Variants in DYNLT5 observed in about 807,000 individuals in gnomAD.
DYNLT5 encodes the protein dynein light chain Tctex-type 5.
Under a neutral mutation model 19.3 loss-of-function variants are expected in DYNLT5, and 25 were observed. The observed-to-expected ratio is 1.30, with a 90% confidence interval of 0.95 to 1.81. The LOEUF (loss-of-function observed/expected upper bound fraction) is 1.81. DYNLT5 is among the 40% of genes most tolerant of loss of function. The pLI, the probability that DYNLT5 is intolerant of heterozygous loss-of-function variation, is 0.00. For synonymous variants in DYNLT5, 82 were observed against 68.9 expected (o/e 1.19, Z -0.94); for missense variants, 232 against 217.9 (o/e 1.06, Z -0.41).
intron 2 of DYNLT5, among the ~76,000 whole-genome samples, chr1:66,762,299 T>C (rs983690238): frequency 6.6e-6 from 1 of 152,254 alleles, no homozygotes; most frequent in Non-Finnish European, 1.5e-5. Flanking sequence ...TATTTCTTCC[T>C]GTTGGGAACA....
At chr1:66,766,378 AC>A (rs1270792089) in intron 2 of DYNLT5, among the ~76,000 whole-genome samples, 1 of 152,208 alleles carries the variant, frequency 6.6e-6, no homozygotes, top group Non-Finnish European at 1.5e-5. Context: ...GGTATATGGC[AC>A]TGGTAATTAA....
intron 2 of DYNLT5, among the ~76,000 whole-genome samples, chr1:66,759,437 C>T (rs2094641928): frequency 6.6e-6 from 1 of 152,130 alleles, no homozygotes; most frequent in African/African-American, 2.4e-5. Context: ...AATATAACCA[C>T]AATAAAATCT....
chr1:66,777,348 G>C lies in DYNLT5; in HGVS notation c.434G>C (p.Gly145Ala). Residue 145 changes from glycine to alanine, a missense_variant, in exon 5 of 5, where the codon GGA becomes GCA. By Grantham distance (60) the Gly-to-Ala change is moderately conservative (BLOSUM62 0). Transcript: ENST00000282670. Reference sequence around the variant, plus strand: ...CTGAACAGGCAGAGCATACTTATTGGAAGCAGATGCCTCTGGGATCCTAAA... The same window carrying C: ...CTGAACAGGCAGAGCATACTTATTGCAAGCAGATGCCTCTGGGATCCTAAA... ...GQLNRQSILI[G>A]SRCLWDPKSD... The C allele has an allele frequency of 6.2e-7, 1 of 1,613,910 alleles. No homozygotes were observed. The highest frequency in any genetic ancestry group is 8.5e-7 in the Non-Finnish European group (1 of 1,179,898).
At chr1:66,760,373 GA>G (rs2094643854) in intron 2 of DYNLT5, among the ~76,000 whole-genome samples, 1 of 152,050 alleles carries the variant, frequency 6.6e-6, no homozygotes, top group African/African-American at 2.4e-5. Flanking sequence ...CATATTTTGT[GA>G]TCATCGAATG....
intron 2 of DYNLT5, among the ~76,000 whole-genome samples, chr1:66,761,235 T>C (rs2094645469): frequency 6.6e-6 from 1 of 152,210 alleles, no homozygotes; most frequent in South Asian, 2.1e-4. Context: ...AATGTTTTAG[T>C]TTTCCAGTGC....
chr1:66,755,452 G>A (rs558104659), intron 2 of DYNLT5, among the ~76,000 whole-genome samples: 15 of 152,110 alleles, frequency 9.9e-5, no homozygotes, highest in Admixed American at 5.2e-4. Context: ...GACTGCTGTT[G>A]GGAAGAAAAC....
intron 2 of DYNLT5, among the ~76,000 whole-genome samples, chr1:66,761,801 A>T (rs1410196230): frequency 6.6e-6 from 1 of 152,196 alleles, no homozygotes; most frequent in Non-Finnish European, 1.5e-5. Flanking sequence ...ATAAAATGAA[A>T]TGAAATAATA....
intron 1 of DYNLT5, 60 bp from the exon 2 acceptor site, chr1:66,754,596 T>C (rs1260652151): frequency 4.6e-6 from 7 of 1,533,762 alleles, no homozygotes; most frequent in African/African-American, 2.8e-5. Flanking sequence ...GTCCCTGTTA[T>C]ACTAACTAAA....
intron 3 of DYNLT5, among the ~76,000 whole-genome samples, chr1:66,771,356 T>G (rs556407742): frequency 6.6e-6 from 1 of 152,236 alleles, no homozygotes; most frequent in African/African-American, 2.4e-5. Context: ...GTAACCTCAC[T>G]AAATTTCCTT....
At chr1:66,765,347 G>A (rs2094652858) in intron 2 of DYNLT5, among the ~76,000 whole-genome samples, 2 of 152,046 alleles carry the variant, frequency 1.3e-5, no homozygotes, top group South Asian at 4.1e-4. Flanking sequence ...ATGTCTCTAA[G>A]GCCAGTTATG....
intron 2 of DYNLT5, among the ~76,000 whole-genome samples, chr1:66,758,124 GGCTTTT>G (rs2094639677): frequency 6.6e-6 from 1 of 152,126 alleles, no homozygotes; most frequent in Admixed American, 6.5e-5. Flanking sequence ...AGCAAAAATG[GGCTTTT>G]GTTTATTAGT....
At chr1:66,758,817 T>A (rs893960050) in intron 2 of DYNLT5, among the ~76,000 whole-genome samples, 18 of 152,294 alleles carry the variant, frequency 1.2e-4, no homozygotes, top group Non-Finnish European at 2.5e-4. Flanking sequence ...AGTAATGAAT[T>A]TATTCTATCA....
At chr1:66,762,332 T>C (rs980140755) in intron 2 of DYNLT5, among the ~76,000 whole-genome samples, 2 of 152,226 alleles carry the variant, frequency 1.3e-5, no homozygotes, top group Non-Finnish European at 2.9e-5. Context: ...TTTCTAGCTC[T>C]TTGAATCTAT....
chr1:66,768,628 T>C (rs561700039), intron 2 of DYNLT5: 23 of 152,346 alleles, frequency 1.5e-4, no homozygotes, highest in African/African-American at 4.8e-4. Context: ...AAATCCTTAT[T>C]TGCTTTTTTG....
At chr1:66,775,417 A>G (rs951025322) in intron 3 of DYNLT5, 1 of 152,258 alleles carries the variant, frequency 6.6e-6, no homozygotes, top group African/African-American at 2.4e-5. Flanking sequence ...ATATATGTAT[A>G]CAATATACAG....
At chr1:66,756,754 AC>A (rs1477651583) in intron 2 of DYNLT5, among the ~76,000 whole-genome samples, 1 of 152,000 alleles carries the variant, frequency 6.6e-6, no homozygotes, top group African/African-American at 2.4e-5. Context: ...AAGTCCACAG[AC>A]CCCTATCTAC....
chr1:66,764,459 A>T (rs932751454), intron 2 of DYNLT5, among the ~76,000 whole-genome samples: 8 of 152,234 alleles, frequency 5.3e-5, no homozygotes, highest in African/African-American at 1.9e-4. Flanking sequence ...AGAGAGAGAC[A>T]TGGGAAATGG....
At chr1:66,755,645 G>T (rs2150858235) in intron 2 of DYNLT5, 1 of 152,316 alleles carries the variant, frequency 6.6e-6, no homozygotes, top group East Asian at 1.9e-4. Flanking sequence ...TATTCTCAGA[G>T]TGTATTAATG....
chr1:66,753,949 T>C (rs1199209203), intron 1 of DYNLT5, among the ~76,000 whole-genome samples: 1 of 147,458 alleles, frequency 6.8e-6, no homozygotes, highest in African/African-American at 2.5e-5. Context: ...AGATCCTGTC[T>C]CTAAAATAAT....
Sources: gnomAD v4.1 joint callset for allele counts (sites outside exome capture counted in the v4.1 genomes callset) on GRCh38, gnomAD v4.1.1 for gene constraint, MANE v1.5 for transcripts, NCBI Gene and HGNC (gene_info 2026-07-23, HGNC 2026-07-21) for gene names.